COMMD7: variants seen among roughly 807,000 people sequenced by gnomAD.
The protein encoded by COMMD7 is COMM domain containing 7, also known as COMM domain-containing protein 7.
A neutral mutation model predicts 34.8 loss-of-function variants in COMMD7; 28 were observed. That is an observed-to-expected ratio of 0.80 (90% CI 0.60 to 1.10). COMMD7 has a LOEUF of 1.10. Ranked by LOEUF, COMMD7 falls within the 50% of genes least tolerant of loss-of-function variation. The probability of loss-of-function intolerance (pLI) is 0.00; values close to 1 mark genes in which losing one functional copy is unlikely to be tolerated. For synonymous variants in COMMD7, 80 were observed against 86.4 expected (o/e 0.93, Z 0.41); for missense variants, 211 against 241.6 (o/e 0.87, Z 0.84).
At chr20:32,703,547 T>A in intron 8 of COMMD7, 89 bp from the exon 9 acceptor site, 1 of 1,529,150 alleles carries the variant, frequency 6.5e-7, no homozygotes, top group Non-Finnish European at 8.8e-7. Context: ...GGATTTTTTT[T>A]TTCTTTTTTG....
At chr20:32,738,155 G>A (rs1028998714) in intron 1 of COMMD7, among the ~76,000 whole-genome samples, 6 of 151,992 alleles carry the variant, frequency 3.9e-5, no homozygotes, top group African/African-American at 1.4e-4. Flanking sequence ...AGACAGGGTC[G>A]CATTTTCTGA....
rs1264608662 is a variant in COMMD7, at chr20:32,733,074, A to G, written c.85-4932T>C. The stretch of plus-strand genomic sequence containing the variant: ...AACATGGCGAAACCCCGTCTCTACT[A>G]AAAATACAAAAATTAGCTGGGCATG... On this transcript the variant is annotated intron_variant, in intron 1 of 8. Coordinates refer to ENST00000278980, the MANE Select transcript of COMMD7 (RefSeq NM_053041.3). Among the ~76,000 whole-genome samples, 6 of 150,898 alleles carry G rather than the reference A, an allele frequency of 4.0e-5. No individual in the cohort carries two copies. The Admixed American group carries it at 4.0e-4, about 10-fold the overall frequency.
At chr20:32,733,223 AG>A (rs1350762858) in intron 1 of COMMD7, among the ~76,000 whole-genome samples, 21 of 152,244 alleles carry the variant, frequency 1.4e-4, no homozygotes, top group Non-Finnish European at 4.4e-5. Flanking sequence ...TCAAAAAAAA[AG>A]AATGCAGTAG....
At chr20:32,736,388 T>G (rs1466323411) in intron 1 of COMMD7, among the ~76,000 whole-genome samples, 1 of 152,132 alleles carries the variant, frequency 6.6e-6, no homozygotes, top group Non-Finnish European at 1.5e-5. Context: ...ACAATAAAGG[T>G]AGCTGGGCCT....
chr20:32,713,974 G>A (rs750752712), intron 3 of COMMD7, among the ~76,000 whole-genome samples: 22 of 152,082 alleles, frequency 1.4e-4, no homozygotes, highest in Middle Eastern at 3.2e-3. Flanking sequence ...TTAGCTGAGC[G>A]TGGTGGTGAG....
At chr20:32,729,878 T>C (rs1056623099) in intron 1 of COMMD7, among the ~76,000 whole-genome samples, 7 of 151,590 alleles carry the variant, frequency 4.6e-5, no homozygotes, top group Non-Finnish European at 7.4e-5. Context: ...CCAGGCGTGG[T>C]GGCGTGTACT....
chr20:32,739,204 T>C (rs1986297139), intron 1 of COMMD7, among the ~76,000 whole-genome samples: 1 of 152,286 alleles, frequency 6.6e-6, no homozygotes, highest in South Asian at 2.1e-4. Flanking sequence ...CAGTGGCTCA[T>C]GCCTGTAATT....
rs976313505 is a variant in COMMD7 at position 32,702,945 on chromosome 20, GC to G, written c.*436del. On this transcript the variant is annotated 3_prime_UTR_variant, in exon 9 of 9. Coordinates refer to ENST00000278980, the MANE Select transcript of COMMD7 (RefSeq NM_053041.3). ...CCAGAGTGTGCAGAAATCCGTGGGG[GC>G]TCTGTATATGTGTCATTCAGACAAT... The G allele has an allele frequency of 1.9e-5, 3 of 158,210 alleles. No homozygotes were observed. Among genetic ancestry groups the G allele is most frequent in the Non-Finnish European group, 4.2e-5 (3 of 71,752 alleles). The allele number at this position is 158,210 out of a possible 1,614,324, so 9.8% of individuals were successfully genotyped here.
intron 3 of COMMD7, among the ~76,000 whole-genome samples, chr20:32,720,859 A>T (rs1275315348): frequency 1.3e-5 from 2 of 152,154 alleles, no homozygotes; most frequent in African/African-American, 4.8e-5. Context: ...CATCTCCTAA[A>T]TTCTATTCAA....
In COMMD7 at chr20:32,728,008, A is replaced by G; in HGVS notation, c.139-13T>C. The G allele has an allele frequency of 1.2e-6, 2 of 1,613,230 alleles. No homozygotes were observed. The highest frequency in any genetic ancestry group is 1.7e-6 in the Non-Finnish European group (2 of 1,179,218). On this transcript the variant is annotated splice_polypyrimidine_tract_variant and intron_variant, in intron 2 of 8. Coordinates refer to ENST00000278980, the MANE Select transcript of COMMD7 (RefSeq NM_053041.3). ...GAAATCTTTCCACCTGCAGAGAGAG[A>G]ACAGTGAAAACCCGGGCCTTCACTT...
At chr20:32,713,455 T>C (rs1047252697) in intron 3 of COMMD7, among the ~76,000 whole-genome samples, 10 of 152,224 alleles carry the variant, frequency 6.6e-5, no homozygotes, top group Non-Finnish European at 1.5e-4. Context: ...ACTTCAGTTT[T>C]GCCAAGACGG....
chr20:32,743,272 T>C (rs1601016292), intron 1 of COMMD7, 36 bp downstream of exon 1: 1 of 726,636 alleles, frequency 1.4e-6, no homozygotes, highest in Non-Finnish European at 2.0e-6. Flanking sequence ...TGGAATCACC[T>C]GGGCCCCGCG....
At chr20:32,716,486 G>C (rs978110739) in intron 3 of COMMD7, among the ~76,000 whole-genome samples, 2 of 152,102 alleles carry the variant, frequency 1.3e-5, no homozygotes, top group Non-Finnish European at 1.5e-5. Flanking sequence ...GTGGTGGCAG[G>C]CGCCTGTAGT....
At chr20:32,712,724 T>TC (rs1390609108) in intron 3 of COMMD7, among the ~76,000 whole-genome samples, 1 of 83,624 alleles carries the variant, frequency 1.2e-5, no homozygotes, top group Non-Finnish European at 2.8e-5. Flanking sequence ...TTTGAGATGG[T>TC]CCCTTTTTTT....
chr20:32,717,929 G>GAA (rs1012746265), intron 3 of COMMD7, among the ~76,000 whole-genome samples: 1 of 141,624 alleles, frequency 7.1e-6, no homozygotes, highest in Non-Finnish European at 1.6e-5. Flanking sequence ...GACCAAAAAA[G>GAA]AAAAAAAAAA....
chr20:32,709,424 C>A (rs960259597), intron 3 of COMMD7, among the ~76,000 whole-genome samples: 7 of 151,340 alleles, frequency 4.6e-5, no homozygotes, highest in Non-Finnish European at 8.8e-5. Context: ...ACAGGCTGGG[C>A]GCCTGTTACA....
chr20:32,715,223 C>T (rs1717295300), intron 3 of COMMD7, among the ~76,000 whole-genome samples: 1 of 150,940 alleles, frequency 6.6e-6, no homozygotes, highest in Admixed American at 6.6e-5. Flanking sequence ...GTGGCTCATG[C>T]CTATATCCCA....
At chr20:32,712,968 G>A (rs1600973759) in intron 3 of COMMD7, among the ~76,000 whole-genome samples, 1 of 151,562 alleles carries the variant, frequency 6.6e-6, no homozygotes, top group Admixed American at 6.6e-5. Context: ...TCCTGACCTC[G>A]TGATCCGCCT....
chr20:32,737,208 A>T, intron 1 of COMMD7, among the ~76,000 whole-genome samples: 1 of 151,104 alleles, frequency 6.6e-6, no homozygotes, highest in Non-Finnish European at 1.5e-5. Flanking sequence ...ATACATATAC[A>T]TATATATAAA....
Sources: allele counts gnomAD v4.1 joint callset (sites outside exome capture counted in the v4.1 genomes callset), GRCh38; gene constraint gnomAD v4.1.1; transcripts MANE v1.5; gene names NCBI Gene and HGNC (gene_info 2026-07-23, HGNC 2026-07-21).